Variants in TTBK2 observed in about 807,000 individuals in gnomAD.
TTBK2 encodes tau-tubulin kinase 2.
TTBK2 carries 28 observed loss-of-function variants against 110.8 expected under a neutral mutation model. The observed-to-expected ratio is 0.25, with a 90% CI of 0.19 to 0.35. The LOEUF is 0.35. Ranked by LOEUF, TTBK2 falls within the 10% of genes least tolerant of loss-of-function variation. TTBK2 has a pLI of 1.00. For missense variants in TTBK2, 1,369 were observed against 1,500.3 expected, an observed-to-expected ratio of 0.91 and a Z score of 1.45; for synonymous variants, 532 against 527.3, an observed-to-expected ratio of 1.01 and a Z score of -0.12.
chr15:42,897,173 G>C (rs1895699732), intron 1 of TTBK2, among the ~76,000 whole-genome samples: 1 of 151,872 alleles, frequency 6.6e-6, no homozygotes, highest in African/African-American at 2.4e-5. Context: ...CACTGCACCT[G>C]GCCACTTTTA....
intron 1 of TTBK2, among the ~76,000 whole-genome samples, chr15:42,898,522 A>G (rs201404550): frequency 5.3e-5 from 8 of 152,032 alleles, no homozygotes; most frequent in Non-Finnish European, 1.0e-4. Context: ...AAAAGAAAAA[A>G]AAAAAGAAAA....
At chr15:42,853,703 C>A (rs548091994) in intron 3 of TTBK2, among the ~76,000 whole-genome samples, 3 of 152,054 alleles carry the variant, frequency 2.0e-5, no homozygotes, top group Admixed American at 6.6e-5. Context: ...TAACCAACAT[C>A]GTCAGATTGA....
At chr15:42,813,978 T>C (rs1023075556) in intron 7 of TTBK2, among the ~76,000 whole-genome samples, 6 of 152,198 alleles carry the variant, frequency 3.9e-5, no homozygotes, top group Non-Finnish European at 8.8e-5. Context: ...GATTAAAATG[T>C]AAAACAACAA....
At chr15:42,806,221 A>G (rs1891463583) in intron 9 of TTBK2, among the ~76,000 whole-genome samples, 1 of 152,202 alleles carries the variant, frequency 6.6e-6, no homozygotes, top group Admixed American at 6.5e-5. Flanking sequence ...CCGAGATCAC[A>G]CCACTGCACT....
At chr15:42,795,245 G>A (rs1415145396) in intron 9 of TTBK2, among the ~76,000 whole-genome samples, 1 of 148,322 alleles carries the variant, frequency 6.7e-6, no homozygotes, top group Non-Finnish European at 1.5e-5. Flanking sequence ...GAAGTTCATT[G>A]TGCTTTCCTT....
At chr15:42,782,655 T>G (rs954460467) in intron 11 of TTBK2, among the ~76,000 whole-genome samples, 9 of 152,224 alleles carry the variant, frequency 5.9e-5, no homozygotes, top group Non-Finnish European at 1.5e-5. Context: ...GAGCTTGTAA[T>G]GTACAGCACT....
chr15:42,878,806 G>A, intron 1 of TTBK2, 122 bp from the exon 2 acceptor site: 1 of 1,296,664 alleles, frequency 7.7e-7, no homozygotes, highest in Admixed American at 2.4e-5. Flanking sequence ...TTGTTGGGAA[G>A]AAGGGGAAAA....
Position 42,775,004 on chromosome 15 carries a change from C to T in TTBK2, c.1998+131G>A, listed in dbSNP as rs1889837141. 4 of 898,108 alleles carry T rather than the reference C, an allele frequency of 4.5e-6. No individual in the cohort carries two copies. In the South Asian group the frequency reaches 4.5e-5, roughly 10 times the overall value. 55.6% of individuals were successfully genotyped at this position (898,108 alleles called of 1,614,324 possible). Reference sequence around the variant, plus strand: ...GGAGGGTTGACTATAGAACTTAGTACAAAATCACTCCCTGGGCCATCTGCA... The same window carrying T: ...GGAGGGTTGACTATAGAACTTAGTATAAAATCACTCCCTGGGCCATCTGCA... On this transcript the variant is annotated intron_variant, in intron 13 of 14. Transcript: ENST00000267890.
chr15:42,888,048 C>T (rs543227859), intron 1 of TTBK2, among the ~76,000 whole-genome samples: 9 of 152,228 alleles, frequency 5.9e-5, no homozygotes, highest in South Asian at 4.2e-4. Flanking sequence ...ACACAAGAGC[C>T]GGGACTGCAC....
intron 3 of TTBK2, among the ~76,000 whole-genome samples, chr15:42,853,775 G>A (rs1434321346): frequency 6.6e-6 from 1 of 152,104 alleles, no homozygotes; most frequent in South Asian, 2.1e-4. Context: ...CAGCTACTCA[G>A]GAGGCTGAGG....
chr15:42,779,314 C>A (rs550945506), intron 11 of TTBK2, among the ~76,000 whole-genome samples: 3 of 150,832 alleles, frequency 2.0e-5, no homozygotes, highest in African/African-American at 7.3e-5. Context: ...GAGGCTGAGG[C>A]AGGAGAATCG....
At chr15:42,829,533 G>C (rs994559025) in intron 5 of TTBK2, among the ~76,000 whole-genome samples, 1 of 152,192 alleles carries the variant, frequency 6.6e-6, no homozygotes, top group Non-Finnish European at 1.5e-5. Flanking sequence ...CAAACATAAA[G>C]CTTTTTAAGA....
rs1474013152 is a variant in TTBK2, at chr15:42,744,193, G to T, written c.*1602C>A. 1 of 152,130 alleles carries T rather than the reference G, an allele frequency of 6.6e-6. No homozygotes were observed. The highest frequency in any genetic ancestry group is 2.4e-5 in the African/African-American group (1 of 41,440). 9.4% of individuals were successfully genotyped at this position (152,130 alleles called of 1,614,324 possible). On this transcript the variant is annotated 3_prime_UTR_variant, in exon 15 of 15. Coordinates refer to ENST00000267890, the MANE Select transcript of TTBK2 (RefSeq NM_173500.4). ...CTATGCTACATTTCTTATAAGAGAC[G>T]TTATATGCCTCAATAGTGTTTTGAG...
intron 1 of TTBK2, among the ~76,000 whole-genome samples, chr15:42,917,059 A>G (rs1033738254): frequency 2.0e-5 from 3 of 152,196 alleles, no homozygotes; most frequent in African/African-American, 7.2e-5. Flanking sequence ...GAAGCTACTT[A>G]GTAACTTCCA....
chr15:42,901,866 A>G (rs2030038131), intron 1 of TTBK2, among the ~76,000 whole-genome samples: 1 of 152,188 alleles, frequency 6.6e-6, no homozygotes, highest in African/African-American at 2.4e-5. Context: ...CAAATGGTCA[A>G]TAAACATGAA....
At chr15:42,913,405 C>T (rs908247358) in intron 1 of TTBK2, among the ~76,000 whole-genome samples, 2 of 151,830 alleles carry the variant, frequency 1.3e-5, no homozygotes, top group Non-Finnish European at 2.9e-5. Flanking sequence ...TTTGGTAGGC[C>T]GAGGCGGGCG....
At chr15:42,804,260 C>A (rs189361721) in intron 9 of TTBK2, among the ~76,000 whole-genome samples, 44 of 152,092 alleles carry the variant, frequency 2.9e-4, no homozygotes, top group African/African-American at 1.0e-3. Context: ...GCCTGACCAA[C>A]ATGGTGAAAC....
At chr15:42,772,546 G>A (rs1889722576) in intron 13 of TTBK2, among the ~76,000 whole-genome samples, 2 of 152,146 alleles carry the variant, frequency 1.3e-5, no homozygotes, top group African/African-American at 4.8e-5. Flanking sequence ...GTTGTTTAAC[G>A]ATGCTAAATT....
intron 3 of TTBK2, among the ~76,000 whole-genome samples, chr15:42,871,950 G>C (rs972826040): frequency 3.3e-5 from 5 of 152,160 alleles, no homozygotes; most frequent in East Asian, 3.8e-4. Flanking sequence ...TTAAACATCA[G>C]TAATATCAGA....
Sources: gnomAD v4.1 joint callset for allele counts (sites outside exome capture counted in the v4.1 genomes callset) on GRCh38, gnomAD v4.1.1 for gene constraint, MANE v1.5 for transcripts, NCBI Gene and HGNC (gene_info 2026-07-23, HGNC 2026-07-21) for gene names.